ERAP1: variants seen among roughly 807,000 people sequenced by gnomAD.
ERAP1 encodes the protein adipocyte-derived leucine aminopeptidase.
A neutral mutation model predicts 103.7 loss-of-function variants in ERAP1; 86 were observed. The observed-to-expected ratio is 0.83, with a 90% confidence interval of 0.70 to 0.99. The LOEUF (loss-of-function observed/expected upper bound fraction) is 0.99. ERAP1 is among the 50% of genes least tolerant of loss of function. The probability of loss-of-function intolerance (pLI) is 0.00; values close to 1 mark genes in which losing one functional copy is unlikely to be tolerated. For missense variants in ERAP1, 1,009 were observed against 1,128.4 expected, an observed-to-expected ratio of 0.89 and a Z score of 1.52; for synonymous variants, 398 against 402.4, an observed-to-expected ratio of 0.99 and a Z score of 0.13.
the ERAP1 span, chr5:96,901,626 C>G: frequency 1.9e-6 from 3 of 1,614,070 alleles, no homozygotes; most frequent in Admixed American, 5.0e-5. Context: ...GCAACAGGAG[C>G]GCTTCCTCCA....
chr5:96,871,570 C>T, the ERAP1 span, among the ~76,000 whole-genome samples: 2 of 152,068 alleles, frequency 1.3e-5, no homozygotes, highest in Non-Finnish European at 2.9e-5. Context: ...TTTATTTTGC[C>T]ATCATTTTTC....
the ERAP1 span, among the ~76,000 whole-genome samples, chr5:96,848,533 T>A: frequency 1.3e-5 from 2 of 152,182 alleles, no homozygotes; most frequent in Non-Finnish European, 2.9e-5. Context: ...TTGAATAACC[T>A]AGAAGGAATG....
the ERAP1 span, chr5:96,934,729 G>A: frequency 6.0e-4 from 92 of 152,456 alleles, no homozygotes; most frequent in Middle Eastern, 6.8e-3. Context: ...TGAGCAGGCT[G>A]TTTGCGCTTG....
chr5:96,933,924 C>T, the ERAP1 span, among the ~76,000 whole-genome samples: 1 of 152,180 alleles, frequency 6.6e-6, no homozygotes, highest in Non-Finnish European at 1.5e-5. Context: ...GCCAGCCTAA[C>T]GGTTCTGATT....
chr5:96,784,764 A>C, intron 13 of ERAP1: 2 of 153,190 alleles, frequency 1.3e-5, no homozygotes, highest in Admixed American at 1.3e-4. Flanking sequence ...GAGTTCCTGG[A>C]GGAAACACAT....
At chr5:96,825,348 C>A in the ERAP1 span, among the ~76,000 whole-genome samples, 8 of 152,150 alleles carry the variant, frequency 5.3e-5, no homozygotes, top group Admixed American at 1.3e-4. Flanking sequence ...TGAGAGCACA[C>A]TTTATATGAT....
At chr5:96,839,349 A>G in the ERAP1 span, among the ~76,000 whole-genome samples, 1 of 152,148 alleles carries the variant, frequency 6.6e-6, no homozygotes, top group African/African-American at 2.4e-5. Flanking sequence ...GTGGCTCAAG[A>G]TCCCAGAATT....
At chr5:96,822,740 G>A in the ERAP1 span, among the ~76,000 whole-genome samples, 2 of 152,120 alleles carry the variant, frequency 1.3e-5, no homozygotes, top group African/African-American at 4.8e-5. Flanking sequence ...TGCTGATAAA[G>A]ACATACCCGA....
the ERAP1 span, among the ~76,000 whole-genome samples, chr5:96,848,536 A>G: frequency 2.0e-5 from 3 of 152,364 alleles, no homozygotes; most frequent in Non-Finnish European, 2.9e-5. Context: ...AATAACCTAG[A>G]AGGAATGAAT....
At chr5:96,911,449 C>G in the ERAP1 span, among the ~76,000 whole-genome samples, 1 of 152,138 alleles carries the variant, frequency 6.6e-6, no homozygotes, top group Non-Finnish European at 1.5e-5. Context: ...ATAGTGGTGT[C>G]TTTTGTAGAA....
At position 96,788,636 on chromosome 5, in the gene ERAP1, G is replaced by A; in HGVS notation, c.1574C>T (p.Thr525Ile). 1 of 1,614,198 alleles carries A rather than the reference G, an allele frequency of 6.2e-7. No homozygotes were observed. The highest frequency in any genetic ancestry group is 8.5e-7 in the Non-Finnish European group (1 of 1,180,036). The change falls in exon 11 of 19, where the codon ACA becomes ATA. Residue 525 changes from threonine (T) to isoleucine (I), a missense_variant. This residue lies in a region of ERAP1 where 611 missense variants were observed against 651.7 expected (regional missense o/e 0.94). Coordinates refer to ENST00000443439, the MANE Select transcript of ERAP1 (RefSeq NM_001040458.3). ...VDVKTMMNTW[T>I]LQKGFPLITI... The stretch of plus-strand genomic sequence containing the variant: ...TATTAGGGGAAAACCCTTCTGCAGT[G>A]TCCAAGTGTTCATCATGGTTTTCAC...
chr5:96,879,910 T>C, the ERAP1 span: 6 of 1,614,096 alleles, frequency 3.7e-6, no homozygotes, highest in Non-Finnish European at 4.2e-6. Context: ...TGGTCATTCC[T>C]CTCCATTATG....
chr5:96,912,554 G>A, the ERAP1 span: 1 of 944,226 alleles, frequency 1.1e-6, no homozygotes, highest in Non-Finnish European at 1.6e-6. Context: ...AGAGATTATT[G>A]TGTTATAGGA....
At chr5:96,818,113 C>T in the ERAP1 span, among the ~76,000 whole-genome samples, 1 of 152,106 alleles carries the variant, frequency 6.6e-6, no homozygotes, top group African/African-American at 2.4e-5. Flanking sequence ...AGGTACCAAT[C>T]GTAGATTTAG....
At chr5:96,767,701 C>T (rs1006757857) in intron 19 of ERAP1, among the ~76,000 whole-genome samples, 6 of 152,146 alleles carry the variant, frequency 3.9e-5, no homozygotes, top group South Asian at 2.1e-4. Context: ...TGCTAAGCAA[C>T]GTGTATTAAA....
At chr5:96,854,429 C>G in the ERAP1 span, among the ~76,000 whole-genome samples, 2 of 151,826 alleles carry the variant, frequency 1.3e-5, no homozygotes, top group East Asian at 3.9e-4. Context: ...TCATTGAAGG[C>G]CAATGTGAAA....
chr5:96,843,207 C>T, the ERAP1 span, among the ~76,000 whole-genome samples: 1 of 152,184 alleles, frequency 6.6e-6, no homozygotes, highest in African/African-American at 2.4e-5. Flanking sequence ...CGCCTAGTTA[C>T]AGAATTTTCT....
In ERAP1 at chr5:96,776,444, A is replaced by G; in HGVS notation, c.2778T>C (p.Phe926=). The G allele has an allele frequency of 6.2e-7, 1 of 1,614,058 alleles. No individual in the cohort carries two copies. Among genetic ancestry groups the G allele is most frequent in the Non-Finnish European group, 8.5e-7 (1 of 1,180,004 alleles). Residue 926 remains phenylalanine, a synonymous_variant, in exon 19 of 19, where the codon TTT becomes TTC. Transcript: ENST00000443439. Reference sequence around the variant, plus strand: ...TTTGCAGCCACACTCTGATTTTATCAAAATTCTTATCCATCCAACCGATGT... The same window carrying G: ...TTTGCAGCCACACTCTGATTTTATCGAAATTCTTATCCATCCAACCGATGT... The part of the protein sequence containing the change: ...EENIGWMDKN[F]DKIRVWLQSE...
At chr5:96,925,408 G>T in the ERAP1 span, among the ~76,000 whole-genome samples, 1 of 152,098 alleles carries the variant, frequency 6.6e-6, no homozygotes, top group Non-Finnish European at 1.5e-5. Context: ...CTACCTCCAG[G>T]GCCCAGGCTC....
Sources: allele counts gnomAD v4.1 joint callset (sites outside exome capture counted in the v4.1 genomes callset), GRCh38; gene constraint gnomAD v4.1.1; regional missense constraint gnomAD v4.1.1; transcripts MANE v1.5; gene names NCBI Gene and HGNC (gene_info 2026-07-23, HGNC 2026-07-21).